The following MINDY4 variants were observed in gnomAD, a reference collection of about 807,000 sequenced individuals.
MINDY4 encodes the protein probable ubiquitin carboxyl-terminal hydrolase MINDY-4.
In MINDY4, 68 loss-of-function variants were observed where a neutral mutation model predicts 87.0. The ratio of observed to expected loss-of-function variants is 0.78; its 90% CI spans 0.64 to 0.96. MINDY4 has a LOEUF of 0.96. Among genes scored for constraint, MINDY4 ranks in the 40% least tolerant of loss-of-function variants. MINDY4 has a pLI of 0.00. For synonymous variants in MINDY4, 379 were observed against 363.2 expected (o/e 1.04, Z -0.50); for missense variants, 919 against 928.2 (o/e 0.99, Z 0.13).
At chr7:30,852,014 T>A (rs1789430014) in intron 10 of MINDY4, among the ~76,000 whole-genome samples, 1 of 152,188 alleles carries the variant, frequency 6.6e-6, no homozygotes, top group Non-Finnish European at 1.5e-5. Flanking sequence ...TTTTTTCTTT[T>A]AAATCCTGCT....
At chr7:30,847,029 G>A (rs1789242262) in intron 9 of MINDY4, among the ~76,000 whole-genome samples, 1 of 152,098 alleles carries the variant, frequency 6.6e-6, no homozygotes, top group Non-Finnish European at 1.5e-5. Context: ...GAACTCCTGG[G>A]TTAAAGACAG....
intron 5 of MINDY4, among the ~76,000 whole-genome samples, chr7:30,798,698 C>T (rs1787564395): frequency 6.6e-6 from 1 of 152,138 alleles, no homozygotes; most frequent in African/African-American, 2.4e-5. Context: ...CGGGGTTTCA[C>T]CATGTCAGCC....
intron 17 of MINDY4, among the ~76,000 whole-genome samples, chr7:30,884,365 G>A (rs1355495283): frequency 6.6e-6 from 1 of 152,214 alleles, no homozygotes; most frequent in Non-Finnish European, 1.5e-5. Context: ...GCAGGGTCAT[G>A]TGCTGGTGCT....
chr7:30,841,162 G>A (rs534979980), intron 9 of MINDY4, among the ~76,000 whole-genome samples: 1 of 152,228 alleles, frequency 6.6e-6, no homozygotes, highest in East Asian at 1.9e-4. Context: ...CCACCAGGTC[G>A]ACCTGCCGAC....
At chr7:30,883,856 C>G (rs1790549582) in intron 17 of MINDY4, among the ~76,000 whole-genome samples, 2 of 151,680 alleles carry the variant, frequency 1.3e-5, no homozygotes, top group South Asian at 4.2e-4. Flanking sequence ...GGGTTCCAGC[C>G]CTGGTGTTGC....
At chr7:30,851,999 C>CTTT (rs368538211) in intron 10 of MINDY4, among the ~76,000 whole-genome samples, 3 of 150,154 alleles carry the variant, frequency 2.0e-5, no homozygotes, top group Non-Finnish European at 4.5e-5. Flanking sequence ...TTTTCCATTT[C>CTTT]TTTTTTTTTT....
At chr7:30,872,329 A>G (rs769243513) in intron 14 of MINDY4, 23 bp downstream of exon 14, 1 of 1,611,216 alleles carries the variant, frequency 6.2e-7, no homozygotes, top group Non-Finnish European at 8.5e-7. Flanking sequence ...TGTGGGGCCC[A>G]GGTGGTCCTT....
chr7:30,818,051 A>G (rs186931143), intron 5 of MINDY4, among the ~76,000 whole-genome samples: 5 of 152,290 alleles, frequency 3.3e-5, no homozygotes, highest in African/African-American at 9.6e-5. Context: ...GATGCTTCCA[A>G]TGCCTCAGCG....
intron 5 of MINDY4, among the ~76,000 whole-genome samples, chr7:30,818,267 T>C (rs1788225149): frequency 6.6e-6 from 1 of 152,234 alleles, no homozygotes; most frequent in Admixed American, 6.5e-5. Flanking sequence ...TGCATTTCTA[T>C]TTGGTCATAA....
chr7:30,839,352 C>A, intron 8 of MINDY4, 36 bp downstream of exon 8: 4 of 1,387,840 alleles, frequency 2.9e-6, no homozygotes, highest in Non-Finnish European at 4.0e-6. Flanking sequence ...GACCTTTCTG[C>A]TGGGCCATCA....
At chr7:30,859,063 A>G (rs1789668613) in intron 12 of MINDY4, 194 bp from the exon 13 acceptor site, 2 of 716,220 alleles carry the variant, frequency 2.8e-6, no homozygotes, top group Non-Finnish European at 5.2e-6. Flanking sequence ...CTCTGCTGTC[A>G]TTGTCATTCA....
chr7:30,855,056 TCACTCAGTAG>T (rs1402668025), intron 12 of MINDY4, among the ~76,000 whole-genome samples: 1 of 152,082 alleles, frequency 6.6e-6, no homozygotes, highest in Admixed American at 6.5e-5. Flanking sequence ...TTCACTGGAG[TCACTCAGTAG>T]GCCAACTGCT....
At chr7:30,878,405 A>G (rs1052042395) in intron 15 of MINDY4, among the ~76,000 whole-genome samples, 1 of 151,502 alleles carries the variant, frequency 6.6e-6, no homozygotes, top group Admixed American at 6.6e-5. Context: ...GGAGAAACTC[A>G]CCCCCTGCCA....
intron 13 of MINDY4, 61 bp downstream of exon 13, chr7:30,859,385 C>T (rs895619834): frequency 6.8e-7 from 1 of 1,472,444 alleles, no homozygotes; most frequent in African/African-American, 1.4e-5. Context: ...TCACTGCTGC[C>T]TCGCTAGAGC....
At chr7:30,863,129 C>T (rs897911205) in intron 13 of MINDY4, among the ~76,000 whole-genome samples, 2 of 152,194 alleles carry the variant, frequency 1.3e-5, no homozygotes, top group Non-Finnish European at 2.9e-5. Flanking sequence ...CGAGGGCCTT[C>T]CTGTTCTGGG....
intron 12 of MINDY4, among the ~76,000 whole-genome samples, chr7:30,853,891 G>A (rs1388786925): frequency 6.6e-6 from 1 of 152,242 alleles, no homozygotes; most frequent in Non-Finnish European, 1.5e-5. Context: ...CGGCTTCTTG[G>A]GTGGGTTGGA....
chr7:30,878,169 G>A (rs6975840), intron 15 of MINDY4, among the ~76,000 whole-genome samples: 53,738 of 151,880 alleles, frequency 0.35, 14,629 homozygotes, highest in African/African-American at 0.76. Flanking sequence ...AGACACAGCC[G>A]TGGGAAGACT....
intron 5 of MINDY4, among the ~76,000 whole-genome samples, chr7:30,808,213 G>A (rs1422312618): frequency 6.6e-6 from 1 of 152,156 alleles, no homozygotes; most frequent in East Asian, 1.9e-4. Context: ...CACCAGGAAG[G>A]AATTGGCACT....
intron 2 of MINDY4, 24 bp downstream of exon 2, chr7:30,778,575 G>A (rs778312582): frequency 7.4e-6 from 12 of 1,613,910 alleles, no homozygotes; most frequent in Non-Finnish European, 1.0e-5. Context: ...AAGGTGTGGT[G>A]TGGAGTCTTG....
Sources: gnomAD v4.1 joint callset for allele counts (sites outside exome capture counted in the v4.1 genomes callset) on GRCh38, gnomAD v4.1.1 for gene constraint, MANE v1.5 for transcripts, NCBI Gene and HGNC (gene_info 2026-07-23, HGNC 2026-07-21) for gene names.